TP73: variants seen among roughly 807,000 people sequenced by gnomAD.
The protein encoded by TP73 is tumor protein p73.
A neutral mutation model predicts 62.5 loss-of-function variants in TP73; 25 were observed. The ratio of observed to expected loss-of-function variants is 0.40; its 90% CI spans 0.29 to 0.56. TP73 has a LOEUF of 0.56. Among genes scored for constraint, TP73 ranks in the 20% least tolerant of loss-of-function variants. TP73 has a pLI of 0.46. For missense variants in TP73, 754 were observed against 913.3 expected (o/e 0.83, Z 2.25); for synonymous variants, 423 against 377.5 (o/e 1.12, Z -1.40).
rs1026215628 is a variant in TP73, at chr1:3,699,770, G to A, written c.187-7779G>A. Among the ~76,000 whole-genome samples, 4 of 152,232 alleles carry A rather than the reference G, an allele frequency of 2.6e-5. No individual in the cohort carries two copies. The highest frequency in any genetic ancestry group is 2.1e-4 in the South Asian group (1 of 4,836). ...CAGGAGCTGGAGAGGTGACAGGAGC[G>A]AGGGAGGCGGAGGTGGAGCTGGGGA... On this transcript the variant is annotated intron_variant, in intron 3 of 13. Transcript: ENST00000378295. The surrounding 1 kb of genome is among the most constrained non-coding windows in gnomAD (Gnocchi z 4.1).
At chr1:3,726,320 G>A (rs1350332618) in intron 6 of TP73, among the ~76,000 whole-genome samples, 2 of 138,316 alleles carry the variant, frequency 1.4e-5, no homozygotes, top group Non-Finnish European at 3.2e-5. Flanking sequence ...TGGGTGGATG[G>A]GTGGATGGAT....
intron 4 of TP73, among the ~76,000 whole-genome samples, chr1:3,719,890 T>TTGTGTG (rs5772122): frequency 0.087 from 11,522 of 132,064 alleles, 538 homozygotes; most frequent in Middle Eastern, 0.1. Flanking sequence ...TTTTTTCTCT[T>TTGTGTG]TGTGTGTGTG....
chr1:3,690,134 C>T (rs372710161), intron 3 of TP73, among the ~76,000 whole-genome samples: 6 of 152,232 alleles, frequency 3.9e-5, no homozygotes, highest in Admixed American at 2.6e-4. Context: ...GGGCTCCAAA[C>T]GCACGGCTCT....
intron 3 of TP73, among the ~76,000 whole-genome samples, chr1:3,698,817 C>A (rs1027222110): frequency 6.6e-5 from 10 of 152,198 alleles, no homozygotes; most frequent in South Asian, 2.1e-4. Context: ...CTGCAAGGCC[C>A]CCATGTGGCG....
intron 3 of TP73, among the ~76,000 whole-genome samples, chr1:3,704,228 C>T (rs1256448798): frequency 6.6e-6 from 1 of 152,222 alleles, no homozygotes; most frequent in African/African-American, 2.4e-5. Context: ...AAGGAGCTGG[C>T]GGAAGTCATT....
rs2102029798 is a variant in TP73, at chr1:3,666,447, T to C, written c.-34+13806T>C. Reference sequence around the variant, plus strand: ...GTGTAATTATGGGTCATATTGACAGTTTCACTTCTGCGGCATGCCCTCAGG... The same window carrying C: ...GTGTAATTATGGGTCATATTGACAGCTTCACTTCTGCGGCATGCCCTCAGG... On this transcript the variant is annotated intron_variant, in intron 1 of 13. Coordinates refer to ENST00000378295, the MANE Select transcript of TP73 (RefSeq NM_005427.4). The surrounding 1 kb of genome is among the most constrained non-coding windows in gnomAD (Gnocchi z 6.4). 6.6e-6 allele frequency among the ~76,000 whole-genome samples: 1 copy of C among 152,302 alleles called. No homozygotes were observed. The highest frequency in any genetic ancestry group is 2.4e-5 in the African/African-American group (1 of 41,550).
At position 3,672,062 on chromosome 1, in the gene TP73, A is replaced by G. The variant is rs1385496323; in HGVS notation, c.-33-10271A>G. 1.3e-5 allele frequency among the ~76,000 whole-genome samples: 2 copies of G among 152,114 alleles called. No individual in the cohort carries two copies. The highest frequency in any genetic ancestry group is 2.9e-5 in the Non-Finnish European group (2 of 67,994). On this transcript the variant is annotated intron_variant, in intron 1 of 13. Coordinates refer to ENST00000378295, the MANE Select transcript of TP73 (RefSeq NM_005427.4). The surrounding 1 kb of genome is among the most constrained non-coding windows in gnomAD (Gnocchi z 5.3). ...GGAAGGGCACGTCTGCTCAGACCGCAGGGTAGGGAGTGGTCAGCAGGGAGA... is the reference window on the plus strand; with the variant it reads ...GGAAGGGCACGTCTGCTCAGACCGCGGGGTAGGGAGTGGTCAGCAGGGAGA...
At chr1:3,685,155 C>T (rs1419577264) in intron 3 of TP73, among the ~76,000 whole-genome samples, 1 of 152,180 alleles carries the variant, frequency 6.6e-6, no homozygotes, top group Non-Finnish European at 1.5e-5. Flanking sequence ...CAGAAGGCCC[C>T]TAAGATGGCA....
chr1:3,679,031 G>T (rs1029773622), intron 1 of TP73, among the ~76,000 whole-genome samples: 1 of 152,198 alleles, frequency 6.6e-6, no homozygotes, highest in South Asian at 2.1e-4. Flanking sequence ...CCACGACCAC[G>T]CTCGCTGGCC....
At chr1:3,685,541 C>T (rs558171798) in intron 3 of TP73, among the ~76,000 whole-genome samples, 2 of 152,338 alleles carry the variant, frequency 1.3e-5, no homozygotes, top group East Asian at 3.9e-4. Context: ...CAGGGCCCAG[C>T]CCCCTCACAA....
At chr1:3,715,847 C>T (rs1038218481) in intron 4 of TP73, among the ~76,000 whole-genome samples, 1 of 152,230 alleles carries the variant, frequency 6.6e-6, no homozygotes, top group African/African-American at 2.4e-5. Flanking sequence ...TCAGCACATA[C>T]CTGCTTCCCT....
At chr1:3,728,058 C>T (rs1366083486) in intron 8 of TP73, 71 bp from the exon 9 acceptor site, 6 of 1,468,622 alleles carry the variant, frequency 4.1e-6, no homozygotes, top group African/African-American at 1.4e-5. Context: ...GGCAGGTCTC[C>T]CTCCTCCCGG....
rs560545025 is a variant in TP73 at position 3,696,502 on chromosome 1, C to A, written c.187-11047C>A. On this transcript the variant is annotated intron_variant, in intron 3 of 13. Transcript: ENST00000378295. This position sits in a 1 kb window ranked among gnomAD's most constrained non-coding sequence, Gnocchi z 4.1. ...TCTGCACGGAGGCAGGGAGAGACAG[C>A]GGCTGGAGCTGAGCACTGGGCACTA... Among the ~76,000 whole-genome samples the A allele has an allele frequency of 6.6e-6, 1 of 151,646 alleles. No individual in the cohort carries two copies. The highest frequency in any genetic ancestry group is 2.4e-5 in the African/African-American group (1 of 41,238).
At position 3,733,062 on chromosome 1, in the gene TP73, G is replaced by A. The variant is rs1482572864; in HGVS notation, c.1894G>A (p.Glu632Lys). 1.3e-6 allele frequency: 2 copies of A among 1,537,064 alleles called. No homozygotes were observed. Among genetic ancestry groups the A allele is most frequent in the Admixed American group, 3.9e-5 (2 of 51,096 alleles). Reference sequence around the variant, plus strand: ...GCAGCCCATCAAGGAGGAGTTCACGGAGGCCGAGATCCACTGAGGGCCTCG... The same window carrying A: ...GCAGCCCATCAAGGAGGAGTTCACGAAGGCCGAGATCCACTGAGGGCCTCG... ...RKQPIKEEFT[E>K]AEIH Residue 632 changes from glutamate (E) to lysine (K), a missense_variant, in exon 14 of 14, where the codon GAG (glutamate) becomes AAG (lysine). Coordinates refer to ENST00000378295, the MANE Select transcript of TP73 (RefSeq NM_005427.4).
intron 4 of TP73, among the ~76,000 whole-genome samples, chr1:3,717,043 C>G (rs918491032): frequency 4.6e-5 from 7 of 152,244 alleles, no homozygotes; most frequent in Admixed American, 6.5e-5. Context: ...GCCCCATCTT[C>G]CAGAATCTGT....
intron 6 of TP73, among the ~76,000 whole-genome samples, chr1:3,726,101 GTGGGTGGA>G (rs1361259490): frequency 1.3e-5 from 1 of 79,374 alleles, no homozygotes; most frequent in Non-Finnish European, 3.1e-5. Flanking sequence ...GAATGGGTGG[GTGGGTGGA>G]TGGATGGATG....
At chr1:3,680,983 C>G (rs1357216443) in intron 1 of TP73, among the ~76,000 whole-genome samples, 6 of 152,264 alleles carry the variant, frequency 3.9e-5, no homozygotes, top group Non-Finnish European at 8.8e-5. Context: ...CCCCTCTGAG[C>G]CTTGGGGCTC....
Position 3,724,888 on chromosome 1 carries a change from G to A in TP73, c.732+1419G>A, listed in dbSNP as rs1036019821. Among the ~76,000 whole-genome samples the A allele has an allele frequency of 2.6e-5, 4 of 152,198 alleles. No homozygotes were observed. The South Asian group carries it at 8.3e-4, about 31-fold the overall frequency. ...ACAAAAGTTAGCCGAGCCTCGTGGC[G>A]CATGCCTGTAATTCCAGCTACTTGG... On this transcript the variant is annotated intron_variant, in intron 6 of 13. Coordinates refer to ENST00000378295, the MANE Select transcript of TP73 (RefSeq NM_005427.4).
chr1:3,700,208 C>T (rs2124336692), intron 3 of TP73, among the ~76,000 whole-genome samples: 1 of 152,202 alleles, frequency 6.6e-6, no homozygotes, highest in South Asian at 2.1e-4. Context: ...CTCACATCTC[C>T]TCCGCTGGAG....
Sources: gnomAD v4.1 joint callset for allele counts (sites outside exome capture counted in the v4.1 genomes callset) on GRCh38, gnomAD v4.1.1 for gene constraint, Gnocchi (gnomAD v3.1) non-coding constraint, MANE v1.5 for transcripts, NCBI Gene and HGNC (gene_info 2026-07-23, HGNC 2026-07-21) for gene names.